METTL22: variants seen among roughly 807,000 people sequenced by gnomAD.
METTL22 encodes methyltransferase 22, Kin17 lysine.
METTL22 carries 51 observed loss-of-function variants against 48.4 expected under a neutral mutation model. The observed-to-expected ratio is 1.05, with a 90% confidence interval of 0.84 to 1.33. METTL22 has a LOEUF of 1.33. METTL22 is among the 40% of genes most tolerant of loss of function. The pLI is 0.00. For missense variants in METTL22, 678 were observed against 526.9 expected (o/e 1.29, Z -2.81); for synonymous variants, 255 against 214.1 (o/e 1.19, Z -1.67).
chr16:8,629,811 G>C (rs185554591), intron 3 of METTL22, among the ~76,000 whole-genome samples: 1 of 152,170 alleles, frequency 6.6e-6, no homozygotes, highest in African/African-American at 2.4e-5. Context: ...GGGAGCAGTA[G>C]GGAGCTGGGC....
intron 5 of METTL22, among the ~76,000 whole-genome samples, chr16:8,638,573 G>A (rs1444980016): frequency 6.6e-6 from 1 of 152,086 alleles, no homozygotes; most frequent in African/African-American, 2.4e-5. Context: ...AATCTGCTCT[G>A]TGTTCTGACG....
intron 1 of METTL22, among the ~76,000 whole-genome samples, chr16:8,622,388 T>A (rs2141666307): frequency 6.6e-6 from 1 of 152,268 alleles, no homozygotes; most frequent in East Asian, 1.9e-4. Context: ...AGCGTCTCAG[T>A]CTAGCCCCCA....
the METTL22 span, among the ~76,000 whole-genome samples, chr16:8,656,339 C>T: frequency 6.6e-6 from 1 of 152,184 alleles, no homozygotes; most frequent in African/African-American, 2.4e-5. Flanking sequence ...CTTTCCTCCA[C>T]CCCCACTTCC....
At position 8,625,002 on chromosome 16, in the gene METTL22, G is replaced by T. The variant is rs78187506; in HGVS notation, c.-170-494G>T. On this transcript the variant is annotated intron_variant, in intron 1 of 10. Coordinates refer to ENST00000381920, the MANE Select transcript of METTL22 (RefSeq NM_024109.4). ...AACAACTAAATGCAAAGTGCAGATTGTGATTGGATACTGGTTTCTGGGGGA... is the reference window on the plus strand; with the variant it reads ...AACAACTAAATGCAAAGTGCAGATTTTGATTGGATACTGGTTTCTGGGGGA... Among the ~76,000 whole-genome samples, 989 of 151,696 alleles carry T rather than the reference G, an allele frequency of 6.5e-3. 6 individuals are homozygous for T. Among genetic ancestry groups the T allele is most frequent in the South Asian group, 0.021 (99 of 4,826 alleles).
Position 8,635,093 on chromosome 16 carries a change from G to A in METTL22, c.555+14G>A, listed in dbSNP as rs142324152. The A allele has an allele frequency of 1.3e-5, 21 of 1,614,006 alleles. No individual in the cohort carries two copies. Among genetic ancestry groups the A allele is most frequent in the Non-Finnish European group, 1.8e-5 (21 of 1,180,010 alleles). On this transcript the variant is annotated intron_variant, in intron 4 of 10. Transcript: ENST00000381920. Reference sequence around the variant, plus strand: ...GTTGGCAAGCAGGTGGGTAGGTCTTGTCCGCTTCCTGTGGCCCTGATGGGT... The same window carrying A: ...GTTGGCAAGCAGGTGGGTAGGTCTTATCCGCTTCCTGTGGCCCTGATGGGT...
chr16:8,625,379 A>G, intron 1 of METTL22, 117 bp from the exon 2 acceptor site: 2 of 229,520 alleles, frequency 8.7e-6, no homozygotes, highest in Non-Finnish European at 1.7e-5. Flanking sequence ...GGAAATTCAT[A>G]TCCCTTTCTA....
intron 6 of METTL22, 130 bp downstream of exon 6, chr16:8,639,292 C>G: frequency 1.2e-6 from 1 of 847,158 alleles, no homozygotes; most frequent in Non-Finnish European, 2.0e-6. Flanking sequence ...GTAAGGGGAG[C>G]AGGCGTCGTC....
intron 2 of METTL22, among the ~76,000 whole-genome samples, chr16:8,626,631 TACAG>T (rs2056064501): frequency 6.8e-6 from 1 of 147,682 alleles, no homozygotes; most frequent in African/African-American, 2.5e-5. Context: ...GTATTTTTAG[TACAG>T]ACAGAGTTTC....
intron 3 of METTL22, among the ~76,000 whole-genome samples, chr16:8,634,244 G>A (rs908001266): frequency 6.6e-6 from 1 of 152,306 alleles, no homozygotes; most frequent in East Asian, 1.9e-4. Context: ...ACCCTACACA[G>A]TCGATTTCTT....
the METTL22 span, among the ~76,000 whole-genome samples, chr16:8,656,689 C>T: frequency 1.5e-3 from 226 of 152,332 alleles, 1 homozygote; most frequent in Non-Finnish European, 2.0e-3. Flanking sequence ...CTGTGCCCTG[C>T]GGCTCCAATG....
chr16:8,660,055 A>G, the METTL22 span, among the ~76,000 whole-genome samples: 1 of 151,568 alleles, frequency 6.6e-6, no homozygotes, highest in Non-Finnish European at 1.5e-5. Flanking sequence ...AACTGAAATC[A>G]TGTGATGCTT....
chr16:8,645,356 G>A (rs551782559), intron 10 of METTL22, among the ~76,000 whole-genome samples: 13 of 152,302 alleles, frequency 8.5e-5, no homozygotes, highest in African/African-American at 3.1e-4. Context: ...AATTCGTGTG[G>A]TTTTGTGTGC....
the METTL22 span, chr16:8,667,183 T>C: frequency 6.6e-6 from 1 of 152,124 alleles, no homozygotes; most frequent in African/African-American, 2.4e-5. Context: ...GCTTTCTCAG[T>C]GGGGAAGAGT....
rs1338833868 is a variant in METTL22 at position 8,646,832 on chromosome 16, C to T, written c.*689C>T. ...TCCCTTCCGCCTGGACTCATTTTCCCTCCGCCCCTTGGTCTCTCTGTCTTA... is the reference window on the plus strand; with the variant it reads ...TCCCTTCCGCCTGGACTCATTTTCCTTCCGCCCCTTGGTCTCTCTGTCTTA... On this transcript the variant is annotated 3_prime_UTR_variant, in exon 11 of 11. Coordinates refer to ENST00000381920, the MANE Select transcript of METTL22 (RefSeq NM_024109.4). The T allele has an allele frequency of 3.7e-5, 14 of 377,402 alleles. No homozygotes were observed. Among genetic ancestry groups the T allele is most frequent in the South Asian group, 1.6e-4 (8 of 50,628 alleles). 23.4% of individuals were successfully genotyped at this position (377,402 alleles called of 1,614,324 possible). A position where few individuals can be genotyped will look rare whatever the true frequency, so the allele number is the denominator to read the frequency against.
intron 6 of METTL22, among the ~76,000 whole-genome samples, chr16:8,640,893 A>AGATGG (rs1567241163): frequency 7.7e-4 from 10 of 12,904 alleles, no homozygotes; most frequent in Non-Finnish European, 1.1e-3. Context: ...TGGGTGGGTG[A>AGATGG]ATGGATGGAT....
downstream of METTL22, among the ~76,000 whole-genome samples, chr16:8,652,829 C>T (rs1171227429): frequency 1.3e-5 from 2 of 152,148 alleles, no homozygotes; most frequent in African/African-American, 2.4e-5. Context: ...ACACACAACA[C>T]ACATCTTGGC....
intron 3 of METTL22, among the ~76,000 whole-genome samples, chr16:8,632,851 A>G (rs1289161663): frequency 1.3e-5 from 2 of 152,214 alleles, no homozygotes; most frequent in Non-Finnish European, 2.9e-5. Context: ...TTCTCCCTCA[A>G]GGGAAGCTAG....
At position 8,644,633 on chromosome 16, in the gene METTL22, G is replaced by C; in HGVS notation, c.1087G>C (p.Glu363Gln). Residue 363 changes from glutamate (E) to glutamine (Q), a missense_variant, in exon 10 of 11, where the codon GAG becomes CAG. Physicochemically the swap from Glu to Gln is conservative, Grantham distance 29. Coordinates refer to ENST00000381920, the MANE Select transcript of METTL22 (RefSeq NM_024109.4). ...DHFRSCLHAL[E>Q]QLADGKLRFV... ...CTTCCGCTCCTGCCTGCACGCGCTG[G>C]AGCAGCTCGCAGATGGCAAGCTGCG... 1 of 1,606,826 alleles carries C rather than the reference G, an allele frequency of 6.2e-7. No individual in the cohort carries two copies. Among genetic ancestry groups the C allele is most frequent in the Non-Finnish European group, 8.5e-7 (1 of 1,176,756 alleles).
intron 8 of METTL22, 128 bp downstream of exon 8, chr16:8,642,335 G>C (rs773334305): frequency 3.2e-6 from 4 of 1,259,904 alleles, no homozygotes; most frequent in Non-Finnish European, 4.7e-6. Context: ...CACATCTGCA[G>C]TTTTAATTCT....
Sources: gnomAD v4.1 joint callset for allele counts (sites outside exome capture counted in the v4.1 genomes callset) on GRCh38, gnomAD v4.1.1 for gene constraint, MANE v1.5 for transcripts, NCBI Gene and HGNC (gene_info 2026-07-23, HGNC 2026-07-21) for gene names.